TMTC1: variants seen among roughly 807,000 people sequenced by gnomAD.
TMTC1 encodes protein O-mannosyl-transferase TMTC1.
Under a neutral mutation model 104.8 loss-of-function variants are expected in TMTC1, and 73 were observed. The observed-to-expected ratio is 0.70, with a 90% CI of 0.58 to 0.85. The LOEUF is 0.85. Ranked by LOEUF, TMTC1 falls within the 40% of genes least tolerant of loss-of-function variation. TMTC1 has a pLI of 0.00. For missense variants in TMTC1, 1,035 were observed against 1,096.1 expected (o/e 0.94, Z 0.79); for synonymous variants, 434 against 428.7 (o/e 1.01, Z -0.15).
intron 1 of TMTC1, among the ~76,000 whole-genome samples, chr12:29,769,646 C>T (rs1310521486): frequency 2.0e-5 from 3 of 152,150 alleles, no homozygotes; most frequent in African/African-American, 7.2e-5. Context: ...AGAGTCCACC[C>T]CTCTGAGACT....
chr12:29,698,331 C>A (rs1426864947), intron 5 of TMTC1, among the ~76,000 whole-genome samples: 1 of 152,144 alleles, frequency 6.6e-6, no homozygotes, highest in Admixed American at 6.5e-5. Context: ...CCATCCAGAT[C>A]CCATTGGGTT....
intron 5 of TMTC1, among the ~76,000 whole-genome samples, chr12:29,737,468 C>T (rs919704673): frequency 6.6e-6 from 1 of 151,998 alleles, no homozygotes; most frequent in Non-Finnish European, 1.5e-5. Context: ...GAGCCCAGAT[C>T]GCGCCATTGC....
chr12:29,545,266 G>A (rs1353421115), intron 10 of TMTC1, among the ~76,000 whole-genome samples: 1 of 152,090 alleles, frequency 6.6e-6, no homozygotes, highest in Non-Finnish European at 1.5e-5. Context: ...TAAAAGACCA[G>A]AAACCTGTAG....
chr12:29,777,344 C>T (rs1264303783), intron 1 of TMTC1, among the ~76,000 whole-genome samples: 2 of 152,122 alleles, frequency 1.3e-5, no homozygotes, highest in Non-Finnish European at 2.9e-5. Flanking sequence ...CCGCCCGCCT[C>T]AGTCTCCCAA....
At chr12:29,676,581 C>T (rs1034219431) in intron 5 of TMTC1, among the ~76,000 whole-genome samples, 9 of 152,186 alleles carry the variant, frequency 5.9e-5, no homozygotes, top group Admixed American at 5.9e-4. Flanking sequence ...CATAGTCAGT[C>T]AGAGATCGAT....
intron 5 of TMTC1, among the ~76,000 whole-genome samples, chr12:29,681,889 CTT>C: frequency 6.6e-6 from 1 of 152,078 alleles, no homozygotes; most frequent in South Asian, 2.1e-4. Context: ...GTGTTAATTC[CTT>C]TACATATGAC....
intron 7 of TMTC1, among the ~76,000 whole-genome samples, chr12:29,586,955 GA>G (rs1349395883): frequency 6.6e-6 from 1 of 152,130 alleles, no homozygotes; most frequent in East Asian, 1.9e-4. Flanking sequence ...CTCATAAAAT[GA>G]GTTAGGGAGG....
At chr12:29,677,529 C>G (rs1940771972) in intron 5 of TMTC1, among the ~76,000 whole-genome samples, 1 of 152,182 alleles carries the variant, frequency 6.6e-6, no homozygotes, top group African/African-American at 2.4e-5. Flanking sequence ...CGCGGTAGCC[C>G]CCTTTATCTG....
chr12:29,643,667 A>T (rs1231718301), intron 5 of TMTC1, among the ~76,000 whole-genome samples: 3 of 9,254 alleles, frequency 3.2e-4, no homozygotes, highest in African/African-American at 1.3e-3. Flanking sequence ...ATAATATATA[A>T]TATATATCTA....
At chr12:29,726,677 C>T (rs1353890041) in intron 5 of TMTC1, among the ~76,000 whole-genome samples, 1 of 152,128 alleles carries the variant, frequency 6.6e-6, no homozygotes, top group Non-Finnish European at 1.5e-5. Context: ...GCATCCCTTA[C>T]CCTTTAACAA....
In TMTC1 at chr12:29,710,426, C is replaced by T. The variant is rs759615360; in HGVS notation, c.938+41240G>A. ...CATGTGGCTGAGAAACCAAATAAGG[C>T]GGATGCCTAGTATTTGTCATCAACC... is the stretch of plus-strand genomic sequence containing the variant. On this transcript the variant is annotated intron_variant, in intron 5 of 17. Coordinates refer to ENST00000539277, the MANE Select transcript of TMTC1 (RefSeq NM_001193451.2). Among the ~76,000 whole-genome samples the T allele has an allele frequency of 5.9e-5, 9 of 151,684 alleles. No homozygotes were observed. In the South Asian group the frequency reaches 8.3e-4, roughly 14 times the overall value.
rs1293447393 is a variant in TMTC1 at position 29,663,731 on chromosome 12, G to A, written c.939-30395C>T. Among the ~76,000 whole-genome samples, 6 of 147,114 alleles carry A rather than the reference G, an allele frequency of 4.1e-5. 1 individual carries two copies. The highest frequency in any genetic ancestry group is 1.5e-4 in the African/African-American group (6 of 39,308). On this transcript the variant is annotated intron_variant, in intron 5 of 17. Coordinates refer to ENST00000539277, the MANE Select transcript of TMTC1 (RefSeq NM_001193451.2). ...AGGGTTTCGCCATGTTGGCCAGGCTGGTCTCAAACTCCTGACCTCAGGTGA... is the reference window on the plus strand; with the variant it reads ...AGGGTTTCGCCATGTTGGCCAGGCTAGTCTCAAACTCCTGACCTCAGGTGA...
chr12:29,718,811 T>C (rs1461579617), intron 5 of TMTC1, among the ~76,000 whole-genome samples: 1 of 151,622 alleles, frequency 6.6e-6, no homozygotes, highest in African/African-American at 2.4e-5. Flanking sequence ...CGGGTGCCTG[T>C]AGTCCCAGAT....
At chr12:29,563,776 T>C (rs1197594734) in intron 9 of TMTC1, among the ~76,000 whole-genome samples, 1 of 152,216 alleles carries the variant, frequency 6.6e-6, no homozygotes, top group African/African-American at 2.4e-5. Context: ...CCAGACCGTT[T>C]GCTAAGGGCA....
intron 6 of TMTC1, among the ~76,000 whole-genome samples, chr12:29,624,517 C>T (rs1937869061): frequency 6.6e-6 from 1 of 152,182 alleles, no homozygotes; most frequent in African/African-American, 2.4e-5. Flanking sequence ...CTGTACCCAG[C>T]CCACTTGGCT....
At chr12:29,743,588 C>G (rs1942881066) in intron 5 of TMTC1, among the ~76,000 whole-genome samples, 1 of 151,954 alleles carries the variant, frequency 6.6e-6, no homozygotes, top group Non-Finnish European at 1.5e-5. Context: ...ATACATAGTA[C>G]CAGATCAAAA....
chr12:29,628,139 G>A (rs1938099394), intron 6 of TMTC1, among the ~76,000 whole-genome samples: 1 of 152,186 alleles, frequency 6.6e-6, no homozygotes, highest in South Asian at 2.1e-4. Flanking sequence ...GAGGGCATCT[G>A]TGACATGTAA....
At chr12:29,743,764 A>G (rs1048905959) in intron 5 of TMTC1, among the ~76,000 whole-genome samples, 2 of 152,168 alleles carry the variant, frequency 1.3e-5, no homozygotes, top group African/African-American at 4.8e-5. Context: ...TTTTATTACA[A>G]TCCCTCCACA....
rs534738704 is a variant in TMTC1, at chr12:29,526,445, AAAACATTTTAGTGAGAGCTG to A, written c.1786-5745_1786-5726del. On this transcript the variant is annotated intron_variant, in intron 11 of 17. Coordinates refer to ENST00000539277, the MANE Select transcript of TMTC1 (RefSeq NM_001193451.2). ...AGAAGTTTATTTAAATTGTATACTTAAAACATTTTAGTGAGAGCTGATTTAGCATGAAAATCTGGCAAAGT... is the reference window on the plus strand; with the variant it reads ...AGAAGTTTATTTAAATTGTATACTTAATTTAGCATGAAAATCTGGCAAAGT... Among the ~76,000 whole-genome samples, 59 of 152,352 alleles carry A rather than the reference AAAACATTTTAGTGAGAGCTG, an allele frequency of 3.9e-4. 1 individual carries two copies. In the South Asian group the frequency reaches 0.012, roughly 31 times the overall value.
Sources: allele counts gnomAD v4.1 joint callset (sites outside exome capture counted in the v4.1 genomes callset), GRCh38; gene constraint gnomAD v4.1.1; transcripts MANE v1.5; gene names NCBI Gene and HGNC (gene_info 2026-07-23, HGNC 2026-07-21).